NTM: variants seen among roughly 807,000 people sequenced by gnomAD.
NTM encodes IgLON family member 2.
A neutral mutation model predicts 42.1 loss-of-function variants in NTM; 13 were observed. That is an observed-to-expected ratio of 0.31 (90% confidence interval 0.20 to 0.49). The LOEUF is 0.49. Ranked by LOEUF, NTM falls within the 20% of genes least tolerant of loss-of-function variation. The probability of loss-of-function intolerance (pLI) is 0.99; values close to 1 mark genes in which losing one functional copy is unlikely to be tolerated. For synonymous variants in NTM, 187 were observed against 179.2 expected, an observed-to-expected ratio of 1.04 and a Z score of -0.35; for missense variants, 373 against 452.8, an observed-to-expected ratio of 0.82 and a Z score of 1.60.
At chr11:131,561,743 C>G (rs1191194430) in intron 1 of NTM, among the ~76,000 whole-genome samples, 2 of 152,226 alleles carry the variant, frequency 1.3e-5, no homozygotes, top group African/African-American at 4.8e-5. Flanking sequence ...TTGCCCCACA[C>G]TTTCCTTTCC....
chr11:131,767,907 G>C (rs189320047), intron 1 of NTM, among the ~76,000 whole-genome samples: 1,531 of 152,238 alleles, frequency 0.01, 25 homozygotes, highest in African/African-American at 0.036. Context: ...CATTTGTAAG[G>C]TAGTTTTAGG....
intron 1 of NTM, among the ~76,000 whole-genome samples, chr11:131,600,842 T>C (rs1236922579): frequency 6.6e-6 from 1 of 150,638 alleles, no homozygotes; most frequent in Middle Eastern, 3.4e-3. Flanking sequence ...GTATAAACAT[T>C]CACTTTTTTT....
At chr11:132,244,236 G>A (rs1016532277) in intron 4 of NTM, among the ~76,000 whole-genome samples, 1 of 152,206 alleles carries the variant, frequency 6.6e-6, no homozygotes, top group African/African-American at 2.4e-5. Context: ...AGCCCTGGCT[G>A]TGGCCACATA....
chr11:132,121,735 CT>C lies in NTM; in HGVS notation c.168-24546del, dbSNP rs1206489101. Among the ~76,000 whole-genome samples, 21 of 152,314 alleles carry C rather than the reference CT, an allele frequency of 1.4e-4. No individual in the cohort carries two copies. The East Asian group carries it at 2.3e-3, about 17-fold the overall frequency. On this transcript the variant is annotated intron_variant, in intron 2 of 8. Transcript: ENST00000683400. ...AGACCCACCCCTCTGTTCCTCCCCC[CT>C]CTCTCGAACCAGCCTAGACTATTTT... is the stretch of plus-strand genomic sequence containing the variant.
intron 1 of NTM, among the ~76,000 whole-genome samples, chr11:131,527,521 G>A (rs976069761): frequency 6.6e-6 from 1 of 152,126 alleles, no homozygotes; most frequent in Non-Finnish European, 1.5e-5. Context: ...CTATTTCCTG[G>A]ATATAGGCCA....
intron 3 of NTM, among the ~76,000 whole-genome samples, chr11:132,167,938 C>T (rs554295387): frequency 2.6e-5 from 4 of 152,146 alleles, no homozygotes; most frequent in East Asian, 1.9e-4. Flanking sequence ...CGATGAAAAA[C>T]GACTAACTGG....
At chr11:132,315,062 T>A in intron 7 of NTM, 1 of 1,044,724 alleles carries the variant, frequency 9.6e-7, no homozygotes. Flanking sequence ...TACTTTGGAA[T>A]GCCAAAAATG....
chr11:131,756,677 C>A (rs2083383255), intron 1 of NTM, among the ~76,000 whole-genome samples: 1 of 151,790 alleles, frequency 6.6e-6, no homozygotes, highest in South Asian at 2.1e-4. Flanking sequence ...GGTGACAGAG[C>A]AAGACCTCTG....
intron 2 of NTM, among the ~76,000 whole-genome samples, chr11:131,961,868 C>T (rs2134517914): frequency 6.6e-6 from 1 of 152,200 alleles, no homozygotes; most frequent in Non-Finnish European, 1.5e-5. Context: ...GTAGTCCCTG[C>T]ATTCGAAACA....
chr11:132,018,050 T>C (rs1453753800), intron 2 of NTM, among the ~76,000 whole-genome samples: 2 of 151,944 alleles, frequency 1.3e-5, no homozygotes, highest in African/African-American at 2.4e-5. Flanking sequence ...ATCCAGAGTG[T>C]ATCACCTGAG....
intron 2 of NTM, among the ~76,000 whole-genome samples, chr11:132,066,289 G>A (rs2056470581): frequency 2.0e-5 from 3 of 152,132 alleles, no homozygotes. Flanking sequence ...TCCACCTGAG[G>A]AACTGTTCCA....
At chr11:132,315,040 A>G in intron 7 of NTM, 1 of 1,079,940 alleles carries the variant, frequency 9.3e-7, no homozygotes, top group Non-Finnish European at 1.1e-6. Context: ...AGATCCCGAG[A>G]TAGGAGAAAA....
chr11:131,767,853 C>T (rs1180170580), intron 1 of NTM, among the ~76,000 whole-genome samples: 5 of 152,036 alleles, frequency 3.3e-5, no homozygotes, highest in African/African-American at 4.8e-5. Flanking sequence ...GACATCCAAG[C>T]GAGGAGACAG....
chr11:131,850,317 C>G (rs2045384973), intron 1 of NTM, among the ~76,000 whole-genome samples: 1 of 152,106 alleles, frequency 6.6e-6, no homozygotes, highest in Non-Finnish European at 1.5e-5. Flanking sequence ...AAGACATTAG[C>G]CCATTGTAAC....
intron 1 of NTM, among the ~76,000 whole-genome samples, chr11:131,699,056 T>G (rs1207496690): frequency 6.6e-6 from 1 of 152,212 alleles, no homozygotes; most frequent in Admixed American, 6.5e-5. Context: ...TTGTCAAAAT[T>G]CATTGACTTG....
chr11:132,224,476 T>A lies in NTM; in HGVS notation c.526+12329T>A, dbSNP rs117235737. On this transcript the variant is annotated intron_variant, in intron 4 of 8. Transcript: ENST00000683400. ...GGGAGCAGGAGCAGATGCACATGCC[T>A]GTATGCACCCTGGCAATAAGAGATG... Among the ~76,000 whole-genome samples, 195 of 152,272 alleles carry A rather than the reference T, an allele frequency of 1.3e-3. 1 individual carries two copies. The East Asian group carries it at 0.025, about 20-fold the overall frequency.
At chr11:131,965,290 A>G (rs1012130825) in intron 2 of NTM, among the ~76,000 whole-genome samples, 1 of 152,114 alleles carries the variant, frequency 6.6e-6, no homozygotes, top group African/African-American at 2.4e-5. Context: ...CTGTGGTTGC[A>G]AAGCTGTACA....
At chr11:131,993,777 G>A (rs1424293599) in intron 2 of NTM, among the ~76,000 whole-genome samples, 3 of 152,010 alleles carry the variant, frequency 2.0e-5, no homozygotes, top group Non-Finnish European at 4.4e-5. Flanking sequence ...GTGGAGGGTG[G>A]ATCACCTGAG....
chr11:131,993,437 T>A (rs1479014879), intron 2 of NTM, among the ~76,000 whole-genome samples: 1 of 152,140 alleles, frequency 6.6e-6, no homozygotes, highest in Non-Finnish European at 1.5e-5. Flanking sequence ...GAAATGGGAC[T>A]TGTAGTAGAG....
Sources: allele counts gnomAD v4.1 joint callset (sites outside exome capture counted in the v4.1 genomes callset), GRCh38; gene constraint gnomAD v4.1.1; transcripts MANE v1.5; gene names NCBI Gene and HGNC (gene_info 2026-07-23, HGNC 2026-07-21).